UBAP2L: variants seen among roughly 807,000 people sequenced by gnomAD.
The protein encoded by UBAP2L is ubiquitin associated protein 2 like, also known as ubiquitin-associated protein 2-like.
UBAP2L carries 12 observed loss-of-function variants against 130.6 expected under a neutral mutation model. The observed-to-expected ratio is 0.09, with a 90% CI of 0.06 to 0.15. The LOEUF (loss-of-function observed/expected upper bound fraction) is 0.15. Ranked by LOEUF, UBAP2L falls within the 10% of genes least tolerant of loss-of-function variation. The pLI is 1.00. For synonymous variants in UBAP2L, 503 were observed against 524.7 expected (o/e 0.96, Z 0.57); for missense variants, 965 against 1,332.5 (o/e 0.72, Z 4.29).
chr1:154,253,383 A>ATT (rs1173992099), intron 14 of UBAP2L, among the ~76,000 whole-genome samples: 1,661 of 123,762 alleles, frequency 0.013, 61 homozygotes, highest in African/African-American at 0.048. Context: ...TGTTTTTAAG[A>ATT]TTTTTTTTTT....
chr1:154,231,597 G>A (rs928944400), intron 4 of UBAP2L, among the ~76,000 whole-genome samples: 16 of 151,890 alleles, frequency 1.1e-4, no homozygotes, highest in African/African-American at 3.4e-4. Context: ...CACCATCCCC[G>A]GCCCTGTTTT....
At position 154,232,903 on chromosome 1, in the gene UBAP2L, G is replaced by T. The variant is rs182130558; in HGVS notation, c.280-1688G>T. Among the ~76,000 whole-genome samples, 12 of 152,220 alleles carry T rather than the reference G, an allele frequency of 7.9e-5. No homozygotes were observed. The East Asian group carries it at 1.5e-3, about 20-fold the overall frequency. On this transcript the variant is annotated intron_variant, in intron 4 of 26. Transcript: ENST00000428931. ...GTAGAGACCAGAGTCTCATTTGGTT[G>T]CCTGGGCTGGTCTCAGATTCCTGGC... is the stretch of plus-strand genomic sequence containing the variant.
Position 154,266,453 on chromosome 1 carries a change from C to A in UBAP2L, c.2903-48C>A, listed in dbSNP as rs369354722. The A allele has an allele frequency of 1.1e-5, 17 of 1,584,512 alleles. No homozygotes were observed. The African/African-American group carries it at 2.2e-4, about 20-fold the overall frequency. On this transcript the variant is annotated intron_variant, in intron 24 of 26. Transcript: ENST00000428931. Reference sequence around the variant, plus strand: ...ATCACCTCATCTCAGGAATAAGGGCCAGGTAGCTAGCTGAGCTAATCCTCC... The same window carrying A: ...ATCACCTCATCTCAGGAATAAGGGCAAGGTAGCTAGCTGAGCTAATCCTCC...
In UBAP2L at chr1:154,262,538, G is replaced by A. The variant is rs146844604; in HGVS notation, c.2902+841G>A. Among the ~76,000 whole-genome samples, 254 of 152,310 alleles carry A rather than the reference G, an allele frequency of 1.7e-3. 1 individual carries two copies. Among genetic ancestry groups the A allele is most frequent in the Middle Eastern group, 0.014 (4 of 294 alleles). On this transcript the variant is annotated intron_variant, in intron 24 of 26. Transcript: ENST00000428931. ...TTGGGGATGGGGGTTGTCCTTCAAA[G>A]CTGTCAGCTCAGTTACAGTTTCATG...
At chr1:154,255,388 C>T in intron 17 of UBAP2L, 62 bp downstream of exon 17, 1 of 1,578,270 alleles carries the variant, frequency 6.3e-7, no homozygotes, top group East Asian at 2.2e-5. Context: ...CTCTCTGGTC[C>T]TTATTACTCC....
chr1:154,228,924 A>G (rs1375638133), intron 4 of UBAP2L, among the ~76,000 whole-genome samples, 199 bp downstream of exon 4: 2 of 152,214 alleles, frequency 1.3e-5, no homozygotes, highest in Admixed American at 6.5e-5. Context: ...TATGAGGATA[A>G]TGCTCATAGG....
intron 9 of UBAP2L, 120 bp from the exon 10 acceptor site, chr1:154,243,097 A>G: frequency 1.4e-6 from 1 of 730,504 alleles, no homozygotes; most frequent in South Asian, 1.6e-5. Flanking sequence ...TCCTCAGGGT[A>G]GATAGTTTTC....
intron 14 of UBAP2L, 80 bp from the exon 15 acceptor site, chr1:154,253,820 G>C: frequency 7.1e-7 from 1 of 1,401,320 alleles, no homozygotes; most frequent in Non-Finnish European, 9.7e-7. Context: ...TATTCCACTA[G>C]TAGATCTCCA....
rs986862432 is a variant in UBAP2L, at chr1:154,268,672, G to C, written c.2971-85G>C. ...TCTGTGACACCATGCTGCTTTCTGA[G>C]GGTCAGGGAGCTTGAGCTCAGGAAA... On this transcript the variant is annotated intron_variant, in intron 25 of 26. Transcript: ENST00000428931. 45 of 1,365,750 alleles carry C rather than the reference G, an allele frequency of 3.3e-5. No homozygotes were observed. The South Asian group carries it at 5.4e-4, about 16-fold the overall frequency. 84.6% of individuals were successfully genotyped at this position (1,365,750 alleles called of 1,614,324 possible).
chr1:154,243,244 T>A lies in UBAP2L; in HGVS notation c.784T>A (p.Ser262Thr). 1.2e-6 allele frequency: 2 copies of A among 1,611,906 alleles called. No homozygotes were observed. The highest frequency in any genetic ancestry group is 2.2e-5 in the South Asian group (2 of 91,056). ...TTCTGAGACCAAGATCTTCACTGCC[T>A]CTAATGTGTCTTCAGTGCCTCTGCC... ...DLSETKIFTASNVSSVPLPAE... is the reference protein window; with the variant it reads ...DLSETKIFTATNVSSVPLPAE... The change falls in exon 10 of 27, where the codon TCT (serine) becomes ACT (threonine). Residue 262 changes from serine to threonine, a missense_variant. Physicochemically the swap from Ser to Thr is moderately conservative, Grantham distance 58 (BLOSUM62 1). Around this residue, in one of 9 missense-constraint regions of UBAP2L, gnomAD observed 19 missense variants for 52.1 expected, o/e 0.36. Coordinates refer to ENST00000428931, the MANE Select transcript of UBAP2L (RefSeq NM_014847.4).
At chr1:154,253,366 T>C (rs1052794559) in intron 14 of UBAP2L, among the ~76,000 whole-genome samples, 3 of 151,080 alleles carry the variant, frequency 2.0e-5, no homozygotes, top group Admixed American at 2.0e-4. Context: ...CCTTGAAGAC[T>C]TGAAGATGTT....
intron 3 of UBAP2L, among the ~76,000 whole-genome samples, chr1:154,227,628 C>T (rs1479239240): frequency 6.6e-6 from 1 of 151,688 alleles, no homozygotes; most frequent in Non-Finnish European, 1.5e-5. Context: ...CTCATTGCAG[C>T]TTCTGCCTCC....
intron 11 of UBAP2L, among the ~76,000 whole-genome samples, chr1:154,246,583 T>C (rs960039286): frequency 1.2e-3 from 184 of 152,230 alleles, no homozygotes; most frequent in African/African-American, 4.4e-3. Flanking sequence ...AATATTCTTA[T>C]AAGAATAAGT....
Position 154,270,315 on chromosome 1 carries a change from C to T in UBAP2L, c.*20C>T, listed in dbSNP as rs764227649. 70 of 1,613,652 alleles carry T rather than the reference C, an allele frequency of 4.3e-5. No individual in the cohort carries two copies. Among genetic ancestry groups the T allele is most frequent in the South Asian group, 5.5e-5 (5 of 91,064 alleles). ...AACTGAGGCCCTGACCCTCTTCTCC[C>T]GGTCCCATCTTCTGAGAGGGCTTCT... On this transcript the variant is annotated 3_prime_UTR_variant, in exon 27 of 27. Coordinates refer to ENST00000428931, the MANE Select transcript of UBAP2L (RefSeq NM_014847.4).
chr1:154,263,023 T>C, intron 24 of UBAP2L: 2 of 1,403,080 alleles, frequency 1.4e-6, no homozygotes, highest in South Asian at 2.7e-5. Flanking sequence ...ATATCAGCCC[T>C]TGAGAACCCC....
intron 1 of UBAP2L, among the ~76,000 whole-genome samples, chr1:154,222,531 T>G (rs1469374181): frequency 6.6e-6 from 1 of 152,228 alleles, no homozygotes; most frequent in African/African-American, 2.4e-5. Flanking sequence ...TTGTTTTTCA[T>G]CTTTAAAGCT....
At position 154,255,723 on chromosome 1, in the gene UBAP2L, T is replaced by C; in HGVS notation, c.2125T>C (p.Ser709Pro). 6.2e-7 allele frequency: 1 copy of C among 1,614,178 alleles called. No homozygotes were observed. The highest frequency in any genetic ancestry group is 8.5e-7 in the Non-Finnish European group (1 of 1,180,036). ...TQQNTLSSST[S>P]SGRTSTSTLL... ...GCAGAATACCCTTTCATCATCAACA[T>C]CTTCTGGGCGCACTTCGACATCCAC... is the stretch of plus-strand genomic sequence containing the variant. The change falls in exon 18 of 27, where the codon TCT (serine) becomes CCT (proline). Residue 709 changes from serine to proline, a missense_variant. Physicochemically the swap from Ser to Pro is moderately conservative, Grantham distance 74. Around this residue, in one of 9 missense-constraint regions of UBAP2L, gnomAD observed 393 missense variants for 408.1 expected, o/e 0.96. Transcript: ENST00000428931.
At position 154,261,657 on chromosome 1, in the gene UBAP2L, C is replaced by T; in HGVS notation, c.2862C>T (p.Phe954=). 1 of 1,614,176 alleles carries T rather than the reference C, an allele frequency of 6.2e-7. No individual in the cohort carries two copies. Among genetic ancestry groups the T allele is most frequent in the Non-Finnish European group, 8.5e-7 (1 of 1,180,026 alleles). The part of the protein sequence containing the change: ...NVSVNASATP[F]QQPSGYGSHG... ...GTGTGAATGCATCGGCCACCCCTTT[C>T]CAACAGCCGAGTGGATATGGGTCTC... Residue 954 remains phenylalanine, a synonymous_variant, in exon 24 of 27, where the codon TTC becomes TTT. Coordinates refer to ENST00000428931, the MANE Select transcript of UBAP2L (RefSeq NM_014847.4).
chr1:154,260,839 T>C (rs1180543131), intron 22 of UBAP2L, 53 bp from the exon 23 acceptor site: 2 of 1,540,322 alleles, frequency 1.3e-6, no homozygotes, highest in East Asian at 2.3e-5. Context: ...GAGGTAATTC[T>C]GTATTGGTAT....
Sources: gnomAD v4.1 joint callset for allele counts (sites outside exome capture counted in the v4.1 genomes callset) on GRCh38, gnomAD v4.1.1 for gene constraint, gnomAD v4.1.1 regional missense constraint, MANE v1.5 for transcripts, NCBI Gene and HGNC (gene_info 2026-07-23, HGNC 2026-07-21) for gene names.